The following PRICKLE2 variants were observed in gnomAD, a reference collection of about 807,000 sequenced individuals.
PRICKLE2 encodes the protein prickle-like protein 2.
Under a neutral mutation model 81.4 loss-of-function variants are expected in PRICKLE2, and 21 were observed. The observed-to-expected ratio is 0.26, with a 90% CI of 0.18 to 0.37. The LOEUF (loss-of-function observed/expected upper bound fraction) is 0.37, where lower values mean the gene tolerates loss of function less well. Ranked by LOEUF, PRICKLE2 falls within the 10% of genes least tolerant of loss-of-function variation. The probability of loss-of-function intolerance (pLI) is 1.00; values close to 1 mark genes in which losing one functional copy is unlikely to be tolerated. For missense variants in PRICKLE2, 940 were observed against 1,109.0 expected (o/e 0.85, Z 2.16); for synonymous variants, 456 against 421.5 (o/e 1.08, Z -1.00).
intron 1 of PRICKLE2, among the ~76,000 whole-genome samples, chr3:64,206,557 T>C (rs2078692427): frequency 6.6e-6 from 1 of 152,194 alleles, no homozygotes; most frequent in Non-Finnish European, 1.5e-5. Context: ...GTGTCTCTTG[T>C]TGCTAGCCCT....
chr3:64,133,806 A>G (rs957277763), intron 7 of PRICKLE2, among the ~76,000 whole-genome samples: 2 of 152,204 alleles, frequency 1.3e-5, no homozygotes, highest in African/African-American at 4.8e-5. Flanking sequence ...CTAGAAATGC[A>G]AGCAAAGTGC....
rs368312252 is a variant in PRICKLE2 at position 64,210,604 on chromosome 3, A to G, written c.-40-11637T>C. Among the ~76,000 whole-genome samples, 56 of 152,292 alleles carry G rather than the reference A, an allele frequency of 3.7e-4. No individual in the cohort carries two copies. In the East Asian group the frequency reaches 4.8e-3, roughly 13 times the overall value. ...TCCCAGGGGTTGCTGAAGTTGGTAC[A>G]GGGTAATTTTCAGGGGCAGTTGTTT... is the stretch of plus-strand genomic sequence containing the variant. On this transcript the variant is annotated intron_variant, in intron 1 of 7. Transcript: ENST00000638394.
intron 2 of PRICKLE2, among the ~76,000 whole-genome samples, chr3:64,172,481 G>A (rs2077950095): frequency 6.6e-6 from 1 of 152,198 alleles, no homozygotes; most frequent in South Asian, 2.1e-4. Flanking sequence ...CTTACCATCT[G>A]CATGTAGTTG....
At chr3:64,137,266 T>C (rs1261239341) in intron 7 of PRICKLE2, among the ~76,000 whole-genome samples, 1 of 152,046 alleles carries the variant, frequency 6.6e-6, no homozygotes, top group African/African-American at 2.4e-5. Context: ...ATTAACAAAC[T>C]CAAAAGTTCC....
At chr3:64,212,368 C>A (rs1411893578) in intron 1 of PRICKLE2, among the ~76,000 whole-genome samples, 1 of 152,162 alleles carries the variant, frequency 6.6e-6, no homozygotes, top group East Asian at 1.9e-4. Flanking sequence ...GTTCTAAGAG[C>A]CCCTCCTTTC....
intron 2 of PRICKLE2, among the ~76,000 whole-genome samples, chr3:64,234,745 C>T (rs755122003): frequency 2.1e-4 from 32 of 152,150 alleles, no homozygotes; most frequent in Non-Finnish European, 3.8e-4. Flanking sequence ...TCTGCCAGAA[C>T]TACAAAGTCA....
At chr3:64,242,222 G>A (rs2079277178) in intron 2 of PRICKLE2, among the ~76,000 whole-genome samples, 1 of 152,050 alleles carries the variant, frequency 6.6e-6, no homozygotes. Flanking sequence ...TAATAATAAT[G>A]ATCTTTTTCT....
At position 64,224,958 on chromosome 3, in the gene PRICKLE2, C is replaced by A. The variant is rs901964486; in HGVS notation, c.-89G>T. On this transcript the variant is annotated 5_prime_UTR_variant, in exon 1 of 8. Transcript: ENST00000638394. ...GTCTCGGAGGAAGCTTCTGCCAGACCCTTGGAGCTTGTCAATTGTCCCAGT... is the reference window on the plus strand; with the variant it reads ...GTCTCGGAGGAAGCTTCTGCCAGACACTTGGAGCTTGTCAATTGTCCCAGT... 4 of 985,130 alleles carry A rather than the reference C, an allele frequency of 4.1e-6. No individual in the cohort carries two copies. Among genetic ancestry groups the A allele is most frequent in the South Asian group, 9.4e-5 (2 of 21,258 alleles). 61.0% of individuals were successfully genotyped at this position (985,130 alleles called of 1,614,324 possible).
chr3:64,235,513 T>C (rs902604129), intron 2 of PRICKLE2, among the ~76,000 whole-genome samples: 5 of 152,246 alleles, frequency 3.3e-5, no homozygotes, highest in Admixed American at 6.5e-5. Context: ...GGATATTGAC[T>C]GTGCACCACC....
chr3:64,258,845 A>AAAAAAAAAG (rs2079570108), intron 2 of PRICKLE2, among the ~76,000 whole-genome samples: 1 of 34,000 alleles, frequency 2.9e-5, no homozygotes, highest in Non-Finnish European at 5.2e-5. Context: ...AAAAAAAAAA[A>AAAAAAAAAG]AAAGAAAGAA....
chr3:64,133,415 C>G lies in PRICKLE2; in HGVS notation c.1660+13415G>C, dbSNP rs114335027. On this transcript the variant is annotated intron_variant, in intron 7 of 7. Coordinates refer to ENST00000638394, the MANE Select transcript of PRICKLE2 (RefSeq NM_198859.4). ...AGCCAAGGGCCTGGCTGGGCTTGTTCCAGGAGCTGATAATGATCTCAGTGG... is the reference window on the plus strand; with the variant it reads ...AGCCAAGGGCCTGGCTGGGCTTGTTGCAGGAGCTGATAATGATCTCAGTGG... Among the ~76,000 whole-genome samples the G allele has an allele frequency of 3.0e-3, 457 of 152,220 alleles. 1 individual carries two copies. The highest frequency in any genetic ancestry group is 1.0e-2 in the African/African-American group (415 of 41,542).
chr3:64,257,000 A>G (rs2079534504), intron 2 of PRICKLE2, among the ~76,000 whole-genome samples: 1 of 152,116 alleles, frequency 6.6e-6, no homozygotes, highest in Admixed American at 6.6e-5. Flanking sequence ...ATTTCCCAAT[A>G]CCAGAATTGA....
chr3:64,142,423 G>T (rs993995870), intron 7 of PRICKLE2, among the ~76,000 whole-genome samples: 2 of 150,830 alleles, frequency 1.3e-5, no homozygotes, highest in Admixed American at 1.3e-4. Flanking sequence ...TGATTCTTGT[G>T]CCTCAGCCTC....
intron 7 of PRICKLE2, among the ~76,000 whole-genome samples, chr3:64,129,159 T>G (rs528661748): frequency 6.6e-6 from 1 of 151,916 alleles, no homozygotes; most frequent in South Asian, 2.1e-4. Flanking sequence ...GGATTATGGT[T>G]AAAAATACAA....
intron 3 of PRICKLE2, among the ~76,000 whole-genome samples, chr3:64,162,654 TG>T (rs2077753768): frequency 6.6e-6 from 1 of 152,214 alleles, no homozygotes; most frequent in Non-Finnish European, 1.5e-5. Context: ...GGACTTGAAG[TG>T]GTCCAGGGGA....
In PRICKLE2 at chr3:64,198,954, G is replaced by T; in HGVS notation, c.-27C>A. ...TGCTCCTCCTGGGGACACTTGCAGT[G>T]CAGGCAGATCTTCCTGCAGGCAGTA... On this transcript the variant is annotated 5_prime_UTR_variant, in exon 2 of 8. Transcript: ENST00000638394. 6.2e-7 allele frequency: 1 copy of T among 1,613,906 alleles called. No individual in the cohort carries two copies.
chr3:64,114,630 A>G (rs1011590454), intron 7 of PRICKLE2, among the ~76,000 whole-genome samples: 1 of 151,936 alleles, frequency 6.6e-6, no homozygotes, highest in Non-Finnish European at 1.5e-5. Flanking sequence ...TCAGAGCTTG[A>G]AGACTGGCTT....
At chr3:64,187,559 T>A (rs934758484) in intron 2 of PRICKLE2, 7 of 152,264 alleles carry the variant, frequency 4.6e-5, no homozygotes, top group African/African-American at 9.6e-5. Flanking sequence ...GATCTCAGCA[T>A]GTGCTGATGG....
At chr3:64,129,574 C>T (rs369445335) in intron 7 of PRICKLE2, among the ~76,000 whole-genome samples, 1 of 151,834 alleles carries the variant, frequency 6.6e-6, no homozygotes, top group East Asian at 1.9e-4. Flanking sequence ...TGAGAAACAC[C>T]GGTCTGAACC....
Sources: gnomAD v4.1 joint callset for allele counts (sites outside exome capture counted in the v4.1 genomes callset) on GRCh38, gnomAD v4.1.1 for gene constraint, MANE v1.5 for transcripts, NCBI Gene and HGNC (gene_info 2026-07-23, HGNC 2026-07-21) for gene names.